KCNH7: variants seen among roughly 807,000 people sequenced by gnomAD.
The protein encoded by KCNH7 is potassium voltage-gated channel subfamily H member 7, also known as voltage-gated inwardly rectifying potassium channel KCNH7.
KCNH7 carries 49 observed loss-of-function variants against 120.8 expected under a neutral mutation model. The observed-to-expected ratio is 0.41, with a 90% CI of 0.32 to 0.51. KCNH7 has a LOEUF of 0.51. Among genes scored for constraint, KCNH7 ranks in the 20% least tolerant of loss-of-function variants. KCNH7 has a pLI of 0.38. For missense variants in KCNH7, 1,097 were observed against 1,446.6 expected, an observed-to-expected ratio of 0.76 and a Z score of 3.92; for synonymous variants, 547 against 516.1, an observed-to-expected ratio of 1.06 and a Z score of -0.81.
chr2:162,639,889 A>G (rs904543134), intron 2 of KCNH7, among the ~76,000 whole-genome samples: 2 of 152,132 alleles, frequency 1.3e-5, no homozygotes, highest in African/African-American at 4.8e-5. Context: ...CAGGAGACAT[A>G]TACAAAAGCC....
intron 2 of KCNH7, among the ~76,000 whole-genome samples, chr2:162,576,656 G>GT (rs1693679794): frequency 9.1e-6 from 1 of 110,034 alleles, no homozygotes; most frequent in African/African-American, 3.5e-5. Flanking sequence ...GGTTTTTTGG[G>GT]GTTTTTTTTT....
At position 162,577,495 on chromosome 2, in the gene KCNH7, C is replaced by T. The variant is rs62188252; in HGVS notation, c.308-40415G>A. ...TTTGGAAACTCGTTACAGAAACTGG[C>T]CTTTAATTGAGAAAATAATGGAAGA... On this transcript the variant is annotated intron_variant, in intron 2 of 15. Transcript: ENST00000332142. 8.9e-3 allele frequency among the ~76,000 whole-genome samples: 1,344 copies of T among 151,842 alleles called. 9 individuals are homozygous for T. The highest frequency in any genetic ancestry group is 0.015 in the African/African-American group (619 of 41,414).
At chr2:162,483,537 TG>T (rs1197025032) in intron 6 of KCNH7, among the ~76,000 whole-genome samples, 1 of 151,336 alleles carries the variant, frequency 6.6e-6, no homozygotes, top group Non-Finnish European at 1.5e-5. Flanking sequence ...CTGTATTCTT[TG>T]TTTTTTTTTT....
intron 6 of KCNH7, among the ~76,000 whole-genome samples, chr2:162,500,487 TCTAA>T (rs1690650352): frequency 1.3e-5 from 2 of 151,610 alleles, no homozygotes; most frequent in Non-Finnish European, 2.9e-5. Flanking sequence ...AGAAGATGAC[TCTAA>T]CTGAGGAGGT....
At position 162,722,813 on chromosome 2, in the gene KCNH7, C is replaced by CTTTTTTTTTTTTTTTT; in HGVS notation, c.307+113708_307+113723dup. On this transcript the variant is annotated intron_variant, in intron 2 of 15. Coordinates refer to ENST00000332142, the MANE Select transcript of KCNH7 (RefSeq NM_033272.4). ...AATCCTTTTCATTCATTCTTTTTTT[C>CTTTTTTTTTTTTTTTT]TTTTTTTTTTTTTTTTTTGCTTCTC... is the stretch of plus-strand genomic sequence containing the variant. Among the ~76,000 whole-genome samples the CTTTTTTTTTTTTTTTT allele has an allele frequency of 4.8e-3, 410 of 84,980 alleles. 8 individuals carry two copies. The highest frequency in any genetic ancestry group is 0.015 in the African/African-American group (247 of 16,504). The allele number at this position is 84,980 out of a possible 152,430, so 55.8% of individuals were successfully genotyped here. A position where few individuals can be genotyped will look rare whatever the true frequency, so the allele number is the denominator to read the frequency against.
At chr2:162,429,015 TA>T (rs1687966788) in intron 8 of KCNH7, among the ~76,000 whole-genome samples, 1 of 151,900 alleles carries the variant, frequency 6.6e-6, no homozygotes, top group Non-Finnish European at 1.5e-5. Context: ...TATTTGGGTT[TA>T]AATATACTAT....
At chr2:162,690,467 C>G (rs1037855735) in intron 2 of KCNH7, among the ~76,000 whole-genome samples, 1 of 152,110 alleles carries the variant, frequency 6.6e-6, no homozygotes, top group Non-Finnish European at 1.5e-5. Flanking sequence ...ATTCATTTGT[C>G]TGGGATTGCA....
intron 10 of KCNH7, among the ~76,000 whole-genome samples, chr2:162,399,140 T>C (rs952965353): frequency 6.6e-6 from 1 of 151,668 alleles, no homozygotes; most frequent in Non-Finnish European, 1.5e-5. Flanking sequence ...AGCTGGATAA[T>C]CCACAGGAGA....
chr2:162,745,535 A>T (rs1008821195), intron 2 of KCNH7, among the ~76,000 whole-genome samples: 18 of 152,278 alleles, frequency 1.2e-4, no homozygotes, highest in African/African-American at 4.1e-4. Flanking sequence ...TTCAATAACA[A>T]TTTCCTTTAA....
chr2:162,655,108 T>C (rs1413872127), intron 2 of KCNH7, among the ~76,000 whole-genome samples: 3 of 152,078 alleles, frequency 2.0e-5, no homozygotes, highest in Non-Finnish European at 4.4e-5. Flanking sequence ...TTATTGAAAA[T>C]TGCTAAGAGA....
intron 2 of KCNH7, among the ~76,000 whole-genome samples, chr2:162,748,619 GTTTTTC>G (rs920628330): frequency 7.2e-5 from 11 of 152,054 alleles, no homozygotes; most frequent in Non-Finnish European, 1.6e-4. Flanking sequence ...CCTTATAAGT[GTTTTTC>G]TTCCAAAATT....
At chr2:162,827,977 C>T (rs989978497) in intron 2 of KCNH7, among the ~76,000 whole-genome samples, 52 of 152,144 alleles carry the variant, frequency 3.4e-4, no homozygotes, top group African/African-American at 1.1e-3. Context: ...CATACAACCA[C>T]AAAAATTAAA....
intron 14 of KCNH7, among the ~76,000 whole-genome samples, chr2:162,376,047 C>A (rs1576317475): frequency 6.6e-6 from 1 of 152,176 alleles, no homozygotes; most frequent in East Asian, 1.9e-4. Context: ...CTTCTGTCAG[C>A]ATAATTATAA....
intron 2 of KCNH7, among the ~76,000 whole-genome samples, chr2:162,762,517 C>T (rs1689002215): frequency 6.6e-6 from 1 of 151,926 alleles, no homozygotes; most frequent in Non-Finnish European, 1.5e-5. Flanking sequence ...TTGATAAAGA[C>T]CACCCTATGG....
chr2:162,519,311 T>A lies in KCNH7; in HGVS notation c.464-1153A>T, dbSNP rs147149363. On this transcript the variant is annotated intron_variant, in intron 3 of 15. Coordinates refer to ENST00000332142, the MANE Select transcript of KCNH7 (RefSeq NM_033272.4). ...ACTGAATAAATTATGGCATTTTTATTATTTGGAATCCTATGATATTCTTTA... is the reference window on the plus strand; with the variant it reads ...ACTGAATAAATTATGGCATTTTTATAATTTGGAATCCTATGATATTCTTTA... Among the ~76,000 whole-genome samples, 895 of 151,992 alleles carry A rather than the reference T, an allele frequency of 5.9e-3. 6 individuals are homozygous for A. The highest frequency in any genetic ancestry group is 0.01 in the Non-Finnish European group (710 of 67,852).
In KCNH7 at chr2:162,512,646, T is replaced by C; in HGVS notation, c.913+8A>G. On this transcript the variant is annotated splice_region_variant and intron_variant, in intron 5 of 15. Coordinates refer to ENST00000332142, the MANE Select transcript of KCNH7 (RefSeq NM_033272.4). ...CATCAGATGGTGAAATTTGAGTTTG[T>C]ACATTACCTTTGACATTGCGACCAT... 2 of 1,608,774 alleles carry C rather than the reference T, an allele frequency of 1.2e-6. No homozygotes were observed. The highest frequency in any genetic ancestry group is 1.7e-6 in the Non-Finnish European group (2 of 1,176,684).
At chr2:162,510,623 A>T (rs1322584683) in intron 5 of KCNH7, among the ~76,000 whole-genome samples, 1 of 151,676 alleles carries the variant, frequency 6.6e-6, no homozygotes, top group Non-Finnish European at 1.5e-5. Flanking sequence ...ATTAGAATTA[A>T]ATTCAACCAA....
intron 6 of KCNH7, among the ~76,000 whole-genome samples, chr2:162,470,048 G>C (rs921919361): frequency 2.0e-5 from 3 of 152,298 alleles, no homozygotes; most frequent in South Asian, 2.1e-4. Context: ...GCGTGATCTC[G>C]GCTCGCTACA....
chr2:162,406,275 C>A (rs1687217103), intron 9 of KCNH7, among the ~76,000 whole-genome samples: 1 of 151,712 alleles, frequency 6.6e-6, no homozygotes, highest in African/African-American at 2.4e-5. Flanking sequence ...TATTTGCTTT[C>A]TGAAAAGAAT....
Sources: gnomAD v4.1 joint callset for allele counts (sites outside exome capture counted in the v4.1 genomes callset) on GRCh38, gnomAD v4.1.1 for gene constraint, MANE v1.5 for transcripts, NCBI Gene and HGNC (gene_info 2026-07-23, HGNC 2026-07-21) for gene names.